GASK1B: variants seen among roughly 807,000 people sequenced by gnomAD.
The protein encoded by GASK1B is golgi associated kinase 1B.
In GASK1B, 34 loss-of-function variants were observed where a neutral mutation model predicts 42.8. That is an observed-to-expected ratio of 0.79 (90% CI 0.60 to 1.06). GASK1B has a LOEUF of 1.06. Ranked by LOEUF, GASK1B falls within the 50% of genes least tolerant of loss-of-function variation. The pLI is 0.00. For missense variants in GASK1B, 686 were observed against 661.0 expected (o/e 1.04, Z -0.42); for synonymous variants, 262 against 259.1 (o/e 1.01, Z -0.11).
rs1730390953 is a variant in GASK1B, at chr4:158,124,852, T to C, written c.*2555A>G. The C allele has an allele frequency of 1.3e-5, 2 of 152,162 alleles. No homozygotes were observed. The highest frequency in any genetic ancestry group is 4.1e-4 in the South Asian group (2 of 4,836). The allele number at this position is 152,162 out of a possible 1,614,324, so 9.4% of individuals were successfully genotyped here. A position where few individuals can be genotyped will look rare whatever the true frequency, so the allele number is the denominator to read the frequency against. Reference sequence around the variant, plus strand: ...TCATCTGCAAAATAAAAAGCACATATCTTTAATTTCTAATGTTTTATTATA... The same window carrying C: ...TCATCTGCAAAATAAAAAGCACATACCTTTAATTTCTAATGTTTTATTATA... On this transcript the variant is annotated 3_prime_UTR_variant, in exon 5 of 5. Transcript: ENST00000585682.
At chr4:158,152,693 T>C (rs917306401) in intron 3 of GASK1B, among the ~76,000 whole-genome samples, 1 of 152,280 alleles carries the variant, frequency 6.6e-6, no homozygotes, top group Admixed American at 6.5e-5. Context: ...TGGTTTAACA[T>C]ATGCAAGCAA....
chr4:158,142,235 C>G (rs541160234), intron 3 of GASK1B, among the ~76,000 whole-genome samples: 1 of 152,152 alleles, frequency 6.6e-6, no homozygotes, highest in African/African-American at 2.4e-5. Context: ...TGAGCCACCG[C>G]GCCCGGCCGA....
At chr4:158,162,981 C>T (rs533308166) in intron 2 of GASK1B, among the ~76,000 whole-genome samples, 28 of 152,288 alleles carry the variant, frequency 1.8e-4, no homozygotes, top group African/African-American at 6.5e-4. Context: ...TTTCAGGGAA[C>T]ATATATTATT....
At chr4:158,136,361 A>G (rs1730890720) in intron 3 of GASK1B, among the ~76,000 whole-genome samples, 1 of 151,862 alleles carries the variant, frequency 6.6e-6, no homozygotes, top group Admixed American at 6.6e-5. Flanking sequence ...CAGAAAATGC[A>G]CTGTGCCTAT....
At chr4:158,168,709 C>T (rs6849902) in intron 2 of GASK1B, 137,056 of 152,174 alleles carry the variant, frequency 0.9, 62,465 homozygotes, top group East Asian at 0.98. Flanking sequence ...GCCACTACTG[C>T]ATTCTCCCAA....
chr4:158,155,461 A>T, intron 3 of GASK1B, 150 bp downstream of exon 3: 1 of 685,752 alleles, frequency 1.5e-6, no homozygotes, highest in Non-Finnish European at 2.5e-6. Flanking sequence ...TTTGGCCATT[A>T]TGGCCAAAAC....
At chr4:158,162,345 C>T (rs62335860) in intron 2 of GASK1B, among the ~76,000 whole-genome samples, 1 of 152,178 alleles carries the variant, frequency 6.6e-6, no homozygotes, top group Non-Finnish European at 1.5e-5. Context: ...GAGACTACTT[C>T]TTAGTCCTCT....
chr4:158,149,140 C>A (rs929020207), intron 3 of GASK1B, among the ~76,000 whole-genome samples: 3 of 152,162 alleles, frequency 2.0e-5, no homozygotes, highest in African/African-American at 7.2e-5. Context: ...CAATCCTACT[C>A]AAACTCTTCC....
At chr4:158,131,428 T>C (rs184331419) in intron 3 of GASK1B, among the ~76,000 whole-genome samples, 2 of 152,328 alleles carry the variant, frequency 1.3e-5, no homozygotes, top group East Asian at 3.9e-4. Context: ...GTTACTTCAT[T>C]GCCACAAAAA....
At chr4:158,146,377 A>C (rs2110968507) in intron 3 of GASK1B, among the ~76,000 whole-genome samples, 1 of 152,212 alleles carries the variant, frequency 6.6e-6, no homozygotes, top group Non-Finnish European at 1.5e-5. Context: ...TAATAAATAA[A>C]AATAATGATA....
chr4:158,159,109 T>C (rs996136835), intron 2 of GASK1B, among the ~76,000 whole-genome samples: 2 of 152,180 alleles, frequency 1.3e-5, no homozygotes, highest in Admixed American at 6.6e-5. Flanking sequence ...TAATAGCCTA[T>C]GTTTTTCTCC....
At chr4:158,133,902 T>C (rs546069724) in intron 3 of GASK1B, among the ~76,000 whole-genome samples, 1 of 152,074 alleles carries the variant, frequency 6.6e-6, no homozygotes. Context: ...CATATGTGTG[T>C]GTGTGTGTGT....
At position 158,171,202 on chromosome 4, in the gene GASK1B, G is replaced by T. The variant is rs1281457125; in HGVS notation, c.174C>A (p.Ala58=). The T allele has an allele frequency of 6.2e-7, 1 of 1,613,790 alleles. No individual in the cohort carries two copies. Among genetic ancestry groups the T allele is most frequent in the Non-Finnish European group, 8.5e-7 (1 of 1,179,938 alleles). ...CAGCCGCCTGTCCATGCTGGAGAGAGGCCCTCCCCACCTGGCTCACCAGGA... is the reference window on the plus strand; with the variant it reads ...CAGCCGCCTGTCCATGCTGGAGAGATGCCCTCCCCACCTGGCTCACCAGGA... The part of the protein sequence containing the change: ...LGFLVSQVGR[A]SLQHGQAAEK... Residue 58 remains alanine (A), a synonymous_variant, in exon 2 of 5, where the codon GCC becomes GCA. Coordinates refer to ENST00000585682, the MANE Select transcript of GASK1B (RefSeq NM_001128424.2).
intron 3 of GASK1B, among the ~76,000 whole-genome samples, chr4:158,149,130 C>T (rs142521013): frequency 9.5e-4 from 145 of 152,286 alleles, no homozygotes; most frequent in Middle Eastern, 3.4e-3. Context: ...TGACAGCCTA[C>T]AATCCTACTC....
intron 3 of GASK1B, among the ~76,000 whole-genome samples, chr4:158,136,205 G>A (rs1352466110): frequency 1.3e-5 from 2 of 152,028 alleles, no homozygotes; most frequent in Non-Finnish European, 2.9e-5. Flanking sequence ...CATTAGGGCA[G>A]GTAGTCAGAT....
chr4:158,154,150 C>T (rs548422487), intron 3 of GASK1B, among the ~76,000 whole-genome samples: 52 of 135,248 alleles, frequency 3.8e-4, no homozygotes, highest in African/African-American at 1.6e-4. Flanking sequence ...ACAAGCAACT[C>T]AAACAAATCA....
intron 3 of GASK1B, among the ~76,000 whole-genome samples, chr4:158,151,679 A>AC (rs377461284): frequency 0.93 from 140,873 of 152,210 alleles, 65,469 homozygotes; most frequent in East Asian, 0.98. Context: ...CTTTACACGC[A>AC]AAACTACAAA....
intron 2 of GASK1B, among the ~76,000 whole-genome samples, chr4:158,167,778 A>G (rs1368877689): frequency 6.6e-6 from 1 of 152,202 alleles, no homozygotes; most frequent in East Asian, 1.9e-4. Context: ...GATGCTGGGT[A>G]ACTAGGTAAG....
At chr4:158,135,275 C>T (rs1333130530) in intron 3 of GASK1B, among the ~76,000 whole-genome samples, 4 of 143,434 alleles carry the variant, frequency 2.8e-5, no homozygotes, top group East Asian at 2.0e-4. Context: ...GAGCCGAGAT[C>T]GCCCCATTGC....
Sources: gnomAD v4.1 joint callset for allele counts (sites outside exome capture counted in the v4.1 genomes callset) on GRCh38, gnomAD v4.1.1 for gene constraint, MANE v1.5 for transcripts, NCBI Gene and HGNC (gene_info 2026-07-23, HGNC 2026-07-21) for gene names.